The following SSU72 variants were observed in gnomAD, a reference collection of about 807,000 sequenced individuals.
The protein encoded by SSU72 is RNA polymerase II subunit A C-terminal domain phosphatase SSU72.
SSU72 carries 12 observed loss-of-function variants against 22.7 expected under a neutral mutation model. The ratio of observed to expected loss-of-function variants is 0.53; its 90% CI spans 0.34 to 0.86. The LOEUF (loss-of-function observed/expected upper bound fraction) is 0.86. SSU72 is among the 40% of genes least tolerant of loss of function. SSU72 has a pLI of 0.02. For missense variants in SSU72, 151 were observed against 249.8 expected (o/e 0.60, Z 2.67); for synonymous variants, 116 against 98.3 (o/e 1.18, Z -1.06).
At chr1:1,559,878 CG>C (rs1319364057) in intron 2 of SSU72, among the ~76,000 whole-genome samples, 1 of 152,176 alleles carries the variant, frequency 6.6e-6, no homozygotes, top group African/African-American at 2.4e-5. Flanking sequence ...GCATGCACCA[CG>C]ATGGCCGGCT....
chr1:1,564,850 G>T lies in SSU72; in HGVS notation c.147C>A (p.Pro49=), dbSNP rs150412235. 1 of 1,614,076 alleles carries T rather than the reference G, an allele frequency of 6.2e-7. No homozygotes were observed. The highest frequency in any genetic ancestry group is 1.6e-4 in the Middle Eastern group (1 of 6,062). Residue 49 remains proline (P), a synonymous_variant, in exon 2 of 5, where the codon CCC becomes CCA. Coordinates refer to ENST00000291386, the MANE Select transcript of SSU72 (RefSeq NM_014188.3). The stretch of plus-strand genomic sequence containing the variant: ...TGAAATCATAAACATTGGGCTTGTC[G>T]GGAGCTGGTCCTGGAAGCTTCACGT... ...GTHVKLPGPA[P]DKPNVYDFKT...
chr1:1,546,558 C>T (rs1205853736), intron 2 of SSU72: 3 of 152,006 alleles, frequency 2.0e-5, no homozygotes, highest in Non-Finnish European at 2.9e-5. Flanking sequence ...TCTAGGAGGC[C>T]GGGCGTGGCG....
rs1243958974 is a variant in SSU72, at chr1:1,574,583, C to G, written c.-26G>C. ...GGCGGCGGCCGCAAATCCCGCGGCT[C>G]TCCCGCTTGGGTTCCCACCCTACCG... is the stretch of plus-strand genomic sequence containing the variant. On this transcript the variant is annotated 5_prime_UTR_variant, in exon 1 of 5. Coordinates refer to ENST00000291386, the MANE Select transcript of SSU72 (RefSeq NM_014188.3). The G allele has an allele frequency of 5.7e-6, 9 of 1,576,900 alleles. No individual in the cohort carries two copies. The highest frequency in any genetic ancestry group is 2.3e-5 in the South Asian group (2 of 86,822).
chr1:1,574,415 CG>C, intron 1 of SSU72, 62 bp downstream of exon 1: 1 of 1,519,022 alleles, frequency 6.6e-7, no homozygotes, highest in East Asian at 2.6e-5. Context: ...CAGGGGGAAC[CG>C]GGGAGGAGGG....
At chr1:1,553,388 C>T (rs1178959641) in intron 2 of SSU72, among the ~76,000 whole-genome samples, 1 of 152,096 alleles carries the variant, frequency 6.6e-6, no homozygotes, top group Non-Finnish European at 1.5e-5. Context: ...GGAATACAAC[C>T]TTTTAAGGCT....
chr1:1,573,739 GT>G (rs1293979889), intron 1 of SSU72, among the ~76,000 whole-genome samples: 1 of 152,176 alleles, frequency 6.6e-6, no homozygotes, highest in Non-Finnish European at 1.5e-5. Flanking sequence ...GTTCACGTAG[GT>G]AACTTTGGAG....
At chr1:1,550,404 G>C (rs1432733073) in intron 2 of SSU72, among the ~76,000 whole-genome samples, 1 of 152,196 alleles carries the variant, frequency 6.6e-6, no homozygotes, top group East Asian at 1.9e-4. Context: ...TTTTAATTCA[G>C]GCAATTTTCA....
chr1:1,541,793 T>G lies in SSU72; in HGVS notation c.*273A>C. The G allele has an allele frequency of 2.3e-6, 1 of 435,344 alleles. No homozygotes were observed. Among genetic ancestry groups the G allele is most frequent in the Non-Finnish European group, 4.3e-6 (1 of 234,540 alleles). The allele number at this position is 435,344 out of a possible 1,614,324, so 27.0% of individuals were successfully genotyped here. On this transcript the variant is annotated 3_prime_UTR_variant, in exon 5 of 5. Transcript: ENST00000291386. ...AGGCAGGCACACGAAGACACAGGTA[T>G]GTCGGGAAGTGCACACAAACCGTTG...
At position 1,544,853 on chromosome 1, in the gene SSU72, GCCT is replaced by G; in HGVS notation, c.364+7_364+9del. The stretch of plus-strand genomic sequence containing the variant: ...CTGGAGCCCAGCCCAGCACGCAGCC[GCCT>G]CCTCACCTTCCACCACCTGGTCATA... On this transcript the variant is annotated splice_region_variant and intron_variant, in intron 3 of 4. Coordinates refer to ENST00000291386, the MANE Select transcript of SSU72 (RefSeq NM_014188.3). The G allele has an allele frequency of 6.2e-7, 1 of 1,614,058 alleles. No homozygotes were observed. Among genetic ancestry groups the G allele is most frequent in the Non-Finnish European group, 8.5e-7 (1 of 1,179,994 alleles).
At position 1,541,986 on chromosome 1, in the gene SSU72, T is replaced by G. The variant is rs1642326481; in HGVS notation, c.*80A>C. 2.2e-6 allele frequency: 3 copies of G among 1,372,150 alleles called. No individual in the cohort carries two copies. The highest frequency in any genetic ancestry group is 3.0e-6 in the Non-Finnish European group (3 of 986,702). The allele number at this position is 1,372,150 out of a possible 1,614,324, so 85.0% of individuals were successfully genotyped here. A position where few individuals can be genotyped will look rare whatever the true frequency, so the allele number is the denominator to read the frequency against. On this transcript the variant is annotated 3_prime_UTR_variant, in exon 5 of 5. Transcript: ENST00000291386. ...ATGCTACCGTCACCAGCAGAACACC[T>G]GTAAGTAAAAACAAATGTCAGGAAG...
intron 1 of SSU72, among the ~76,000 whole-genome samples, chr1:1,571,425 C>T (rs1642730138): frequency 3.1e-5 from 4 of 130,000 alleles, no homozygotes; most frequent in South Asian, 5.6e-4. Flanking sequence ...AGGGAGACTC[C>T]GACTTCAACA....
intron 2 of SSU72, among the ~76,000 whole-genome samples, chr1:1,548,800 G>C (rs1238963604): frequency 3.9e-5 from 6 of 152,348 alleles, no homozygotes; most frequent in African/African-American, 1.2e-4. Context: ...TCAGACCCTT[G>C]AGTGAGATTC....
chr1:1,573,047 G>C (rs1390722030), intron 1 of SSU72, among the ~76,000 whole-genome samples: 1 of 152,004 alleles, frequency 6.6e-6, no homozygotes, highest in Admixed American at 6.6e-5. Context: ...CCAGCACTTT[G>C]GGAGGCCGAG....
At chr1:1,543,305 G>A (rs1376145776) in intron 4 of SSU72, among the ~76,000 whole-genome samples, 1 of 152,216 alleles carries the variant, frequency 6.6e-6, no homozygotes, top group Non-Finnish European at 1.5e-5. Context: ...ACCTCCGACT[G>A]CACCGCATCC....
At chr1:1,543,463 A>G (rs1216963573) in intron 4 of SSU72, among the ~76,000 whole-genome samples, 1 of 152,196 alleles carries the variant, frequency 6.6e-6, no homozygotes, top group East Asian at 1.9e-4. Flanking sequence ...TCAGCTGAGC[A>G]AAGGGCATTG....
chr1:1,570,849 C>T (rs925326634), intron 1 of SSU72, among the ~76,000 whole-genome samples: 4 of 152,070 alleles, frequency 2.6e-5, no homozygotes, highest in East Asian at 3.9e-4. Flanking sequence ...TGGTGGCTCA[C>T]GCCTGTAATC....
Position 1,574,646 on chromosome 1 carries a change from C to A in SSU72, c.-89G>T. 1 of 1,299,758 alleles carries A rather than the reference C, an allele frequency of 7.7e-7. No homozygotes were observed. Among genetic ancestry groups the A allele is most frequent in the Non-Finnish European group, 1.0e-6 (1 of 996,764 alleles). The allele number at this position is 1,299,758 out of a possible 1,614,324, so 80.5% of individuals were successfully genotyped here. ...GCGAACAAAATGGCGGCCGCGGTGG[C>A]CGGAAGCGGGCGACGCGAAACGACG... On this transcript the variant is annotated 5_prime_UTR_variant, in exon 1 of 5. Transcript: ENST00000291386.
At chr1:1,562,909 G>A (rs916145634) in intron 2 of SSU72, 6 of 152,310 alleles carry the variant, frequency 3.9e-5, no homozygotes, top group East Asian at 1.9e-4. Context: ...ACAGTCCCTG[G>A]GGACTTACAC....
chr1:1,548,085 G>A lies in SSU72; in HGVS notation c.225-3083C>T, dbSNP rs192528234. Among the ~76,000 whole-genome samples, 6 of 152,342 alleles carry A rather than the reference G, an allele frequency of 3.9e-5. No individual in the cohort carries two copies. In the Middle Eastern group the frequency reaches 0.01, roughly 259 times the overall value. Reference sequence around the variant, plus strand: ...CAAGAGAGGGCCCAGGGCAGGGCAGGCAAAGAGGATGTGCCATCCATAGAA... The same window carrying A: ...CAAGAGAGGGCCCAGGGCAGGGCAGACAAAGAGGATGTGCCATCCATAGAA... On this transcript the variant is annotated intron_variant, in intron 2 of 4. Transcript: ENST00000291386.
Sources: allele counts gnomAD v4.1 joint callset (sites outside exome capture counted in the v4.1 genomes callset), GRCh38; gene constraint gnomAD v4.1.1; transcripts MANE v1.5; gene names NCBI Gene and HGNC (gene_info 2026-07-23, HGNC 2026-07-21).